The following PI4KA variants were observed in gnomAD, a reference collection of about 807,000 sequenced individuals.
PI4KA encodes the protein phosphatidylinositol 4-kinase alpha, also known as PI4-kinase alpha.
Under a neutral mutation model 271.4 loss-of-function variants are expected in PI4KA, and 122 were observed. That is an observed-to-expected ratio of 0.45 (90% CI 0.39 to 0.52). PI4KA has a LOEUF of 0.52. Among genes scored for constraint, PI4KA ranks in the 20% least tolerant of loss-of-function variants. The pLI, the probability that PI4KA is intolerant of heterozygous loss-of-function variation, is 0.00. For synonymous variants in PI4KA, 1,041 were observed against 1,078.8 expected, an observed-to-expected ratio of 0.96 and a Z score of 0.69; for missense variants, 1,969 against 2,769.1, an observed-to-expected ratio of 0.71 and a Z score of 6.48.
intron 32 of PI4KA, among the ~76,000 whole-genome samples, chr22:20,740,815 A>T (rs1166816268): frequency 3.9e-5 from 6 of 152,248 alleles, no homozygotes; most frequent in Admixed American, 3.9e-4. Context: ...CTGAAATGCT[A>T]AAAACAATAA....
intron 50 of PI4KA, among the ~76,000 whole-genome samples, chr22:20,711,965 G>C (rs563882213): frequency 6.6e-6 from 1 of 151,672 alleles, no homozygotes; most frequent in Non-Finnish European, 1.5e-5. Flanking sequence ...GGATGGTCTC[G>C]ATCTCTTGAC....
chr22:20,714,629 T>C lies in PI4KA; in HGVS notation c.5389A>G (p.Ser1797Gly). Residue 1797 changes from serine to glycine, a missense_variant and splice_region_variant, in exon 46 of 55, where the codon AGT (serine) becomes GGT (glycine). Ser to Gly is a moderately conservative substitution (Grantham distance 56). This residue lies in a region of PI4KA where 388 missense variants were observed against 521.5 expected (regional missense o/e 0.74). Transcript: ENST00000255882. ...GGATGGGTAGGGTGAGGCGCCCACCTCTGCATCGGGGTCCCAGACTTGTAG... is the reference window on the plus strand; with the variant it reads ...GGATGGGTAGGGTGAGGCGCCCACCCCTGCATCGGGGTCCCAGACTTGTAG... ...IDYKSGTPMQSAAKAPYLAKF... is the reference protein window; with the variant it reads ...IDYKSGTPMQGAAKAPYLAKF... 6.2e-7 allele frequency: 1 copy of C among 1,613,968 alleles called. No homozygotes were observed. Among genetic ancestry groups the C allele is most frequent in the Non-Finnish European group, 8.5e-7 (1 of 1,179,856 alleles).
In PI4KA at chr22:20,729,703, T is replaced by C. The variant is rs1293094951; in HGVS notation, c.4417A>G (p.Lys1473Glu). 1 of 1,592,370 alleles carries C rather than the reference T, an allele frequency of 6.3e-7. No individual in the cohort carries two copies. Among genetic ancestry groups the C allele is most frequent in the Middle Eastern group, 1.7e-4 (1 of 6,026 alleles). Residue 1473 changes from lysine to glutamate, a missense_variant, in exon 38 of 55, where the codon AAG becomes GAG. Around this residue, in one of 13 missense-constraint regions of PI4KA, gnomAD observed 388 missense variants for 521.5 expected, o/e 0.74. Transcript: ENST00000255882. ...AGCTGGGAGCCCCGGTTGGTTTTCT[T>C]AGACATGCCTAGGAGGAAAGACAAA... ...STISKKSGMS[K>E]KTNRGSQLHK...
chr22:20,848,930 CAT>C, intron 1 of PI4KA, among the ~76,000 whole-genome samples: 1 of 152,102 alleles, frequency 6.6e-6, no homozygotes, highest in East Asian at 1.9e-4. Flanking sequence ...ATTTGCAAAT[CAT>C]ATATCTTATT....
intron 7 of PI4KA, among the ~76,000 whole-genome samples, chr22:20,817,230 T>A (rs900681304): frequency 1.3e-5 from 2 of 152,184 alleles, no homozygotes; most frequent in Admixed American, 6.5e-5. Context: ...TGAGACATGC[T>A]CTTTTAACAA....
In PI4KA at chr22:20,713,215, G is replaced by A. The variant is rs916612048; in HGVS notation, c.5571+66C>T. 4.9e-5 allele frequency: 54 copies of A among 1,109,742 alleles called. No individual in the cohort carries two copies. The East Asian group carries it at 5.6e-4, about 12-fold the overall frequency. The allele number at this position is 1,109,742 out of a possible 1,614,324, so 68.7% of individuals were successfully genotyped here. A position where few individuals can be genotyped will look rare whatever the true frequency, so the allele number is the denominator to read the frequency against. The stretch of plus-strand genomic sequence containing the variant: ...TCTGCATATGAGATTGGACTCTGGC[G>A]GGCCTGGAGCCTTGGGGAGCAGCAA... On this transcript the variant is annotated intron_variant, in intron 48 of 54. Coordinates refer to ENST00000255882, the MANE Select transcript of PI4KA (RefSeq NM_058004.4).
intron 42 of PI4KA, chr22:20,721,627 G>A: frequency 7.2e-6 from 4 of 557,244 alleles, no homozygotes; most frequent in South Asian, 2.3e-5. Context: ...GACCTGGGGG[G>A]CAGGGTTGCA....
chr22:20,853,238 GC>G (rs1414915301), intron 1 of PI4KA, among the ~76,000 whole-genome samples: 1 of 152,176 alleles, frequency 6.6e-6, no homozygotes, highest in African/African-American at 2.4e-5. Context: ...TATCTACTTT[GC>G]AGCTCTGCCC....
At chr22:20,713,571 C>T (rs1191490094) in intron 47 of PI4KA, among the ~76,000 whole-genome samples, 181 bp from the exon 48 acceptor site, 2 of 152,204 alleles carry the variant, frequency 1.3e-5, no homozygotes, top group Non-Finnish European at 2.9e-5. Context: ...CTTGGAACAG[C>T]AGGTGGAATC....
At chr22:20,851,494 C>T (rs551620689) in intron 1 of PI4KA, among the ~76,000 whole-genome samples, 5 of 152,220 alleles carry the variant, frequency 3.3e-5, no homozygotes, top group South Asian at 2.1e-4. Context: ...CACACCACCA[C>T]GCCCTGCTAA....
intron 1 of PI4KA, among the ~76,000 whole-genome samples, chr22:20,851,331 T>G (rs912403893): frequency 4.0e-5 from 6 of 151,578 alleles, no homozygotes; most frequent in South Asian, 2.1e-4. Context: ...TAGCCTTGGG[T>G]TTTTTTTGTT....
intron 38 of PI4KA, 35 bp downstream of exon 38, chr22:20,729,597 C>A (rs201259304): frequency 2.6e-6 from 4 of 1,553,136 alleles, no homozygotes; most frequent in Non-Finnish European, 3.5e-6. Context: ...AGGCAGGTGG[C>A]GGGCAGCAGG....
At chr22:20,802,217 T>C (rs971628816) in intron 13 of PI4KA, 112 bp from the exon 14 acceptor site, 1 of 891,440 alleles carries the variant, frequency 1.1e-6, no homozygotes, top group African/African-American at 1.7e-5. Context: ...AGCAAAATGA[T>C]CACTCTAAAA....
chr22:20,781,220 A>T (rs915817423), intron 19 of PI4KA, among the ~76,000 whole-genome samples: 2 of 152,218 alleles, frequency 1.3e-5, no homozygotes, highest in African/African-American at 4.8e-5. Flanking sequence ...GATTTGTAAA[A>T]TCCAAACCTC....
chr22:20,747,485 G>C, intron 29 of PI4KA, 98 bp downstream of exon 29: 1 of 1,308,812 alleles, frequency 7.6e-7, no homozygotes, highest in Non-Finnish European at 1.1e-6. Context: ...ATGTACTCAT[G>C]TGCGTCATGA....
Position 20,726,546 on chromosome 22 carries a change from G to A in PI4KA, c.4942-5C>T. The A allele has an allele frequency of 6.3e-7, 1 of 1,585,476 alleles. No individual in the cohort carries two copies. The highest frequency in any genetic ancestry group is 8.6e-7 in the Non-Finnish European group (1 of 1,168,082). ...GATGTAGAAGAGGATGGCGTCCTGTGGAGGTGGAGCAGAGTTGGCCATGAC... is the reference window on the plus strand; with the variant it reads ...GATGTAGAAGAGGATGGCGTCCTGTAGAGGTGGAGCAGAGTTGGCCATGAC... On this transcript the variant is annotated splice_region_variant and splice_polypyrimidine_tract_variant and intron_variant, in intron 41 of 54. Transcript: ENST00000255882.
At chr22:20,715,698 C>T (rs191441969) in intron 45 of PI4KA, among the ~76,000 whole-genome samples, 1 of 152,076 alleles carries the variant, frequency 6.6e-6, no homozygotes, top group African/African-American at 2.4e-5. Flanking sequence ...TGGTCTGGAA[C>T]TCCTTACCTG....
chr22:20,788,689 G>C (rs867704621), intron 19 of PI4KA, among the ~76,000 whole-genome samples: 2 of 152,194 alleles, frequency 1.3e-5, no homozygotes, highest in Non-Finnish European at 2.9e-5. Flanking sequence ...GGTGAACCCT[G>C]ATGCTGCGGA....
chr22:20,769,088 G>T (rs1932763102), intron 19 of PI4KA, among the ~76,000 whole-genome samples: 1 of 152,216 alleles, frequency 6.6e-6, no homozygotes, highest in Admixed American at 6.5e-5. Context: ...GGTGGTTATG[G>T]AAAGGGTTGC....
Sources: allele counts gnomAD v4.1 joint callset (sites outside exome capture counted in the v4.1 genomes callset), GRCh38; gene constraint gnomAD v4.1.1; regional missense constraint gnomAD v4.1.1; transcripts MANE v1.5; gene names NCBI Gene and HGNC (gene_info 2026-07-23, HGNC 2026-07-21).